The following LRRTM4 variants were observed in gnomAD, a reference collection of about 807,000 sequenced individuals.
LRRTM4 encodes the protein leucine-rich repeat transmembrane neuronal protein 4.
LRRTM4 carries 25 observed loss-of-function variants against 47.6 expected under a neutral mutation model. The observed-to-expected ratio is 0.53, with a 90% CI of 0.38 to 0.73. The LOEUF (loss-of-function observed/expected upper bound fraction) is 0.73. Among genes scored for constraint, LRRTM4 ranks in the 30% least tolerant of loss-of-function variants. The pLI is 0.00. For synonymous variants in LRRTM4, 311 were observed against 269.5 expected (o/e 1.15, Z -1.51); for missense variants, 638 against 713.4 (o/e 0.89, Z 1.20).
At position 76,912,422 on chromosome 2, in the gene LRRTM4, T is replaced by C. The variant is rs141870115; in HGVS notation, c.1552-163506A>G. ...CTTACAAATATTTAGCTGTTAGAAA[T>C]AGTGCTTGGATAAGTCTCATTATAA... On this transcript the variant is annotated intron_variant, in intron 3 of 3. Coordinates refer to ENST00000409884, the MANE Select transcript of LRRTM4 (RefSeq NM_001134745.3). Among the ~76,000 whole-genome samples the C allele has an allele frequency of 5.0e-4, 76 of 152,326 alleles. 1 individual carries two copies. The highest frequency in any genetic ancestry group is 3.4e-3 in the Middle Eastern group (1 of 294).
At chr2:77,314,464 T>G (rs1336900957) in intron 3 of LRRTM4, among the ~76,000 whole-genome samples, 3 of 152,184 alleles carry the variant, frequency 2.0e-5, no homozygotes, top group Non-Finnish European at 2.9e-5. Context: ...TCTAAACTAG[T>G]TTTCTAAGAA....
At chr2:76,818,492 C>G (rs1169603385) in intron 3 of LRRTM4, among the ~76,000 whole-genome samples, 1 of 151,942 alleles carries the variant, frequency 6.6e-6, no homozygotes, top group Admixed American at 6.6e-5. Flanking sequence ...CTGGAGTGAG[C>G]AAATGCTTGT....
At chr2:77,359,623 C>T (rs1447436734) in intron 3 of LRRTM4, among the ~76,000 whole-genome samples, 5 of 152,190 alleles carry the variant, frequency 3.3e-5, no homozygotes, top group Admixed American at 3.3e-4. Context: ...CTTCTGCAAA[C>T]TAACAGCAAT....
At chr2:77,452,801 G>A (rs566078371) in intron 3 of LRRTM4, among the ~76,000 whole-genome samples, 4 of 152,036 alleles carry the variant, frequency 2.6e-5, no homozygotes, top group Admixed American at 6.6e-5. Flanking sequence ...CTAAAATGAT[G>A]GCTTTTTTAG....
chr2:77,351,365 G>A (rs2104296660), intron 3 of LRRTM4, among the ~76,000 whole-genome samples: 1 of 151,758 alleles, frequency 6.6e-6, no homozygotes, highest in Middle Eastern at 3.5e-3. Flanking sequence ...AATAACAGCA[G>A]CTATATTTGA....
intron 3 of LRRTM4, among the ~76,000 whole-genome samples, chr2:77,124,062 TCTA>T (rs1439697804): frequency 1.3e-5 from 2 of 151,590 alleles, no homozygotes; most frequent in Non-Finnish European, 2.9e-5. Context: ...GAAGTAGTGA[TCTA>T]CTCATTTTTC....
chr2:76,978,085 C>A (rs1188610425), intron 3 of LRRTM4, among the ~76,000 whole-genome samples: 1 of 151,984 alleles, frequency 6.6e-6, no homozygotes, highest in Non-Finnish European at 1.5e-5. Flanking sequence ...TCTGGCTCTG[C>A]TCACACAAAT....
intron 3 of LRRTM4, among the ~76,000 whole-genome samples, chr2:77,110,046 T>C (rs1400820901): frequency 6.6e-6 from 1 of 151,694 alleles, no homozygotes; most frequent in Non-Finnish European, 1.5e-5. Flanking sequence ...AAGAGAAAAA[T>C]GCAAAAATGT....
At chr2:77,168,037 G>A (rs1672940258) in intron 3 of LRRTM4, among the ~76,000 whole-genome samples, 1 of 152,030 alleles carries the variant, frequency 6.6e-6, no homozygotes, top group Non-Finnish European at 1.5e-5. Flanking sequence ...CTGAATTTAA[G>A]ATAAATTTAT....
Position 77,119,896 on chromosome 2 carries a change from C to T in LRRTM4, c.1552-370980G>A, listed in dbSNP as rs193090988. Among the ~76,000 whole-genome samples the T allele has an allele frequency of 1.4e-3, 208 of 151,802 alleles. 1 individual carries two copies. Among genetic ancestry groups the T allele is most frequent in the Admixed American group, 0.011 (173 of 15,206 alleles). ...TTAATTGGTCTAGGATGTATTGTAT[C>T]TGAAGAGTGTATATTAATAGGATAA... is the stretch of plus-strand genomic sequence containing the variant. On this transcript the variant is annotated intron_variant, in intron 3 of 3. Coordinates refer to ENST00000409884, the MANE Select transcript of LRRTM4 (RefSeq NM_001134745.3).
chr2:77,453,291 C>T lies in LRRTM4; in HGVS notation c.1551+65027G>A, dbSNP rs149469959. ...CCGCCTCCTGGGTTCACGCCATTCTCCTGCCTCAGCCTCTCAAGCAGCTGG... is the reference window on the plus strand; with the variant it reads ...CCGCCTCCTGGGTTCACGCCATTCTTCTGCCTCAGCCTCTCAAGCAGCTGG... On this transcript the variant is annotated intron_variant, in intron 3 of 3. Transcript: ENST00000409884. Among the ~76,000 whole-genome samples the T allele has an allele frequency of 1.3e-3, 190 of 150,178 alleles. 1 individual carries two copies. The highest frequency in any genetic ancestry group is 4.5e-3 in the African/African-American group (186 of 40,924).
intron 3 of LRRTM4, among the ~76,000 whole-genome samples, chr2:77,268,590 G>A (rs1676113409): frequency 6.6e-6 from 1 of 152,010 alleles, no homozygotes. Flanking sequence ...TTAAATTACA[G>A]ATGTGATCAC....
chr2:76,916,838 A>G (rs1396909276), intron 3 of LRRTM4, among the ~76,000 whole-genome samples: 1 of 152,220 alleles, frequency 6.6e-6, no homozygotes, highest in Non-Finnish European at 1.5e-5. Context: ...TAGCAGGCAA[A>G]TTCATCTAGT....
rs1040226458 is a variant in LRRTM4 at position 77,078,403 on chromosome 2, CACACAT to C, written c.1552-329493_1552-329488del. On this transcript the variant is annotated intron_variant, in intron 3 of 3. Transcript: ENST00000409884. ...ACCCACACACACACACACACACACACACACATGTTCTGGTGCACTGCTCTGTGATCC... is the reference window on the plus strand; with the variant it reads ...ACCCACACACACACACACACACACACGTTCTGGTGCACTGCTCTGTGATCC... Among the ~76,000 whole-genome samples, 37 of 151,662 alleles carry C rather than the reference CACACAT, an allele frequency of 2.4e-4. 1 individual carries two copies. The Middle Eastern group carries it at 0.01, about 42-fold the overall frequency.
At chr2:77,502,622 T>C (rs10206763) in intron 3 of LRRTM4, among the ~76,000 whole-genome samples, 62,717 of 151,264 alleles carry the variant, frequency 0.41, 13,368 homozygotes, top group African/African-American at 0.49. Context: ...AGACATGGAG[T>C]GAGGCACTGG....
At chr2:77,098,662 A>C (rs1240695566) in intron 3 of LRRTM4, among the ~76,000 whole-genome samples, 1 of 151,832 alleles carries the variant, frequency 6.6e-6, no homozygotes, top group Non-Finnish European at 1.5e-5. Flanking sequence ...ATCATATTTA[A>C]AGACTTCTGT....
At chr2:77,272,516 T>C (rs78862262) in intron 3 of LRRTM4, among the ~76,000 whole-genome samples, 2,682 of 152,290 alleles carry the variant, frequency 0.018, 34 homozygotes, top group African/African-American at 0.031. Flanking sequence ...TTCTAATTTC[T>C]TGACCATTAA....
chr2:77,351,848 G>C (rs1671793693), intron 3 of LRRTM4, among the ~76,000 whole-genome samples: 1 of 151,912 alleles, frequency 6.6e-6, no homozygotes, highest in Admixed American at 6.6e-5. Flanking sequence ...GTGTGTAATT[G>C]TGTTTGGAAC....
chr2:77,324,970 G>C (rs571341961), intron 3 of LRRTM4, among the ~76,000 whole-genome samples: 2 of 152,254 alleles, frequency 1.3e-5, no homozygotes, highest in South Asian at 4.1e-4. Context: ...ATGAAATTTG[G>C]TAATGAACTA....
Sources: gnomAD v4.1 joint callset for allele counts (sites outside exome capture counted in the v4.1 genomes callset) on GRCh38, gnomAD v4.1.1 for gene constraint, MANE v1.5 for transcripts, NCBI Gene and HGNC (gene_info 2026-07-23, HGNC 2026-07-21) for gene names.